CCDC171: variants seen among roughly 807,000 people sequenced by gnomAD.
CCDC171 encodes coiled-coil domain-containing protein 171.
Under a neutral mutation model 168.2 loss-of-function variants are expected in CCDC171, and 177 were observed. The observed-to-expected ratio is 1.05, with a 90% CI of 0.93 to 1.19. CCDC171 has a LOEUF of 1.19. CCDC171 is among the 50% of genes most tolerant of loss of function. The pLI is 0.00. For missense variants in CCDC171, 1,991 were observed against 1,539.0 expected, an observed-to-expected ratio of 1.29 and a Z score of -4.91; for synonymous variants, 687 against 540.8, an observed-to-expected ratio of 1.27 and a Z score of -3.75.
At position 15,666,207 on chromosome 9, in the gene CCDC171, C is replaced by T; in HGVS notation, c.960C>T (p.Ala320=). The change falls in exon 9 of 26, where the codon GCC becomes GCT. Residue 320 remains alanine, a synonymous_variant. Coordinates refer to ENST00000380701, the MANE Select transcript of CCDC171 (RefSeq NM_173550.4). The part of the protein sequence containing the change: ...DLEGALQVEK[A]SQAEAVADLE... ...AAGGAGCTTTGCAAGTAGAGAAGGC[C>T]AGTCAAGCAGAAGCTGTTGCTGATT... is the stretch of plus-strand genomic sequence containing the variant. 1.9e-6 allele frequency: 3 copies of T among 1,613,644 alleles called. No individual in the cohort carries two copies. Among genetic ancestry groups the T allele is most frequent in the Non-Finnish European group, 2.5e-6 (3 of 1,179,816 alleles).
At chr9:15,795,885 C>A (rs1383294912) in intron 21 of CCDC171, among the ~76,000 whole-genome samples, 1 of 152,156 alleles carries the variant, frequency 6.6e-6, no homozygotes, top group Non-Finnish European at 1.5e-5. Flanking sequence ...GAGATTTAAT[C>A]TTTAAAATGG....
intron 6 of CCDC171, among the ~76,000 whole-genome samples, chr9:15,611,491 C>T (rs1030372061): frequency 6.6e-6 from 1 of 152,120 alleles, no homozygotes; most frequent in Non-Finnish European, 1.5e-5. Flanking sequence ...GGTAGTTTCC[C>T]TAGAAAGAAA....
intron 24 of CCDC171, among the ~76,000 whole-genome samples, chr9:15,913,001 T>G (rs1386562242): frequency 6.6e-6 from 1 of 152,196 alleles, no homozygotes; most frequent in Non-Finnish European, 1.5e-5. Flanking sequence ...GAAATTTTCT[T>G]TTTTTGTTGT....
chr9:15,655,224 A>G (rs1384768903), intron 7 of CCDC171, among the ~76,000 whole-genome samples: 1 of 152,126 alleles, frequency 6.6e-6, no homozygotes, highest in African/African-American at 2.4e-5. Context: ...AGTAAATATA[A>G]TGAATATTAA....
chr9:15,801,644 A>C (rs577082861), intron 21 of CCDC171, among the ~76,000 whole-genome samples: 1 of 152,058 alleles, frequency 6.6e-6, no homozygotes, highest in Non-Finnish European at 1.5e-5. Flanking sequence ...TAGGACTTCC[A>C]GTACTATGTC....
rs1564044335 is a variant in CCDC171, at chr9:15,610,481, A to AAAAAAAAAAAAAAG, written c.676-12786_676-12785insAAAAAAAAAAAAAG. Among the ~76,000 whole-genome samples, 3 of 136,754 alleles carry AAAAAAAAAAAAAAG rather than the reference A, an allele frequency of 2.2e-5. 1 individual carries two copies. The highest frequency in any genetic ancestry group is 8.4e-5 in the African/African-American group (3 of 35,852). The allele number at this position is 136,754 out of a possible 152,430, so 89.7% of individuals were successfully genotyped here. On this transcript the variant is annotated intron_variant, in intron 6 of 25. Transcript: ENST00000380701. ...AAAAAAAAAAAAAAAAAAAAAAAAA[A>AAAAAAAAAAAAAAG]CTGGGCGTGGTGGTGGGTGCCTGTA...
intron 7 of CCDC171, among the ~76,000 whole-genome samples, chr9:15,631,533 G>C (rs1484317665): frequency 6.6e-6 from 1 of 152,124 alleles, no homozygotes; most frequent in Non-Finnish European, 1.5e-5. Flanking sequence ...ATAGTCAATA[G>C]CTTACCAACC....
At chr9:15,924,696 A>G (rs1825709448) in intron 25 of CCDC171, among the ~76,000 whole-genome samples, 1 of 151,518 alleles carries the variant, frequency 6.6e-6, no homozygotes, top group Non-Finnish European at 1.5e-5. Context: ...ATTCTTAAAA[A>G]GTAATCTATA....
intron 7 of CCDC171, among the ~76,000 whole-genome samples, chr9:15,645,705 T>G (rs1324745855): frequency 6.6e-6 from 1 of 151,448 alleles, no homozygotes; most frequent in Non-Finnish European, 1.5e-5. Context: ...GAAAAAAGAG[T>G]AAAAAGAAAC....
At chr9:16,049,936 G>A (rs1030942274) in intron 1 of CCDC171, among the ~76,000 whole-genome samples, 2 of 152,094 alleles carry the variant, frequency 1.3e-5, no homozygotes, top group African/African-American at 4.8e-5. Context: ...ACACAGGCTG[G>A]AGTGCAGTGG....
chr9:15,954,803 T>G (rs1245277198), intron 25 of CCDC171, among the ~76,000 whole-genome samples: 1 of 152,068 alleles, frequency 6.6e-6, no homozygotes, highest in Non-Finnish European at 1.5e-5. Flanking sequence ...ATCTCTTTAT[T>G]GATATTTCCA....
In CCDC171 at chr9:15,836,374, T is replaced by G. The variant is rs116787433; in HGVS notation, c.3268-10328T>G. 7.9e-3 allele frequency among the ~76,000 whole-genome samples: 1,208 copies of G among 152,354 alleles called. 12 individuals are homozygous for G. The highest frequency in any genetic ancestry group is 0.028 in the African/African-American group (1,151 of 41,584). ...TTTATTTTATTTATTTATTTTTGTT[T>G]TTATTTTTTGAAACGGAGTCTCTCT... On this transcript the variant is annotated intron_variant, in intron 21 of 25. Coordinates refer to ENST00000380701, the MANE Select transcript of CCDC171 (RefSeq NM_173550.4).
chr9:15,808,140 A>C (rs1370979663), intron 21 of CCDC171, among the ~76,000 whole-genome samples: 1 of 152,108 alleles, frequency 6.6e-6, no homozygotes, highest in East Asian at 1.9e-4. Flanking sequence ...GAAGCTGGCA[A>C]ACTCATATAC....
intron 3 of CCDC171, among the ~76,000 whole-genome samples, chr9:15,994,264 G>A (rs1048053774): frequency 6.6e-6 from 1 of 152,118 alleles, no homozygotes; most frequent in Non-Finnish European, 1.5e-5. Flanking sequence ...CCATAAAAAA[G>A]GATGAGTTCA....
chr9:15,624,675 G>A (rs1319768452), intron 7 of CCDC171, among the ~76,000 whole-genome samples: 2 of 152,138 alleles, frequency 1.3e-5, no homozygotes, highest in Non-Finnish European at 2.9e-5. Flanking sequence ...GTATTCCATG[G>A]TGTATATGTG....
At chr9:15,907,262 A>G (rs10810473) in intron 24 of CCDC171, among the ~76,000 whole-genome samples, 65,268 of 152,038 alleles carry the variant, frequency 0.43, 14,484 homozygotes, top group East Asian at 0.73. Context: ...AAACTATACT[A>G]CAAGGCTACA....
chr9:15,882,123 A>G (rs1373037296), intron 24 of CCDC171, among the ~76,000 whole-genome samples: 2 of 152,088 alleles, frequency 1.3e-5, no homozygotes, highest in Non-Finnish European at 2.9e-5. Context: ...TGTCTTTTTA[A>G]TATAAATTTT....
intron 18 of CCDC171, 139 bp downstream of exon 18, chr9:15,745,770 A>T (rs1310931614): frequency 4.2e-6 from 2 of 479,494 alleles, no homozygotes; most frequent in Admixed American, 7.0e-5. Context: ...TCATAGAGAG[A>T]TTGTTAACTC....
intron 18 of CCDC171, among the ~76,000 whole-genome samples, chr9:15,769,273 CTT>C (rs1246212724): frequency 3.9e-5 from 6 of 152,110 alleles, no homozygotes; most frequent in Non-Finnish European, 8.8e-5. Context: ...AGGGATGTAG[CTT>C]TCTTGTTAAT....
Sources: gnomAD v4.1 joint callset for allele counts (sites outside exome capture counted in the v4.1 genomes callset) on GRCh38, gnomAD v4.1.1 for gene constraint, MANE v1.5 for transcripts, NCBI Gene and HGNC (gene_info 2026-07-23, HGNC 2026-07-21) for gene names.